Variants in FHIT observed in about 807,000 individuals in gnomAD.
FHIT encodes the protein bis(5'-adenosyl)-triphosphatase.
A neutral mutation model predicts 17.9 loss-of-function variants in FHIT; 19 were observed. The observed-to-expected ratio is 1.06, with a 90% CI of 0.74 to 1.56. The LOEUF is 1.56. Ranked by LOEUF, FHIT falls within the 40% of genes most tolerant of loss-of-function variation. The pLI is 0.00. For synonymous variants in FHIT, 81 were observed against 69.7 expected, an observed-to-expected ratio of 1.16 and a Z score of -0.81; for missense variants, 248 against 189.2, an observed-to-expected ratio of 1.31 and a Z score of -1.82.
chr3:60,097,961 A>G (rs1325765246), intron 5 of FHIT, among the ~76,000 whole-genome samples: 14 of 147,750 alleles, frequency 9.5e-5, no homozygotes, highest in African/African-American at 2.2e-4. Context: ...GAGAACATGC[A>G]GTGTTTGGTT....
At chr3:60,176,095 G>A (rs1048213966) in intron 5 of FHIT, among the ~76,000 whole-genome samples, 11 of 152,202 alleles carry the variant, frequency 7.2e-5, no homozygotes, top group Non-Finnish European at 1.5e-4. Flanking sequence ...GCTCACGCCT[G>A]TAATGTCAGC....
At position 60,965,436 on chromosome 3, in the gene FHIT, A is replaced by C. The variant is rs575434477; in HGVS notation, c.-111+76611T>G. Reference sequence around the variant, plus strand: ...GATCTTCTGAAGCCTTCTTCACTCAACTTGTCAAAGTCATTCTCCATCCAG... The same window carrying C: ...GATCTTCTGAAGCCTTCTTCACTCACCTTGTCAAAGTCATTCTCCATCCAG... On this transcript the variant is annotated intron_variant, in intron 3 of 9. Transcript: ENST00000492590. Among the ~76,000 whole-genome samples the C allele has an allele frequency of 4.6e-5, 7 of 152,300 alleles. No individual in the cohort carries two copies. In the South Asian group the frequency reaches 1.4e-3, roughly 32 times the overall value.
chr3:60,966,621 C>A (rs1358155609), intron 3 of FHIT, among the ~76,000 whole-genome samples: 1 of 152,170 alleles, frequency 6.6e-6, no homozygotes, highest in Admixed American at 6.5e-5. Context: ...TGAATGGTTT[C>A]CACCAGGACA....
At chr3:61,061,892 A>G (rs1456168901) in intron 2 of FHIT, among the ~76,000 whole-genome samples, 3 of 152,174 alleles carry the variant, frequency 2.0e-5, no homozygotes, top group African/African-American at 7.2e-5. Flanking sequence ...GAGGGAGCCT[A>G]TATTAATAAT....
chr3:60,619,217 G>C (rs1440816173), intron 4 of FHIT, among the ~76,000 whole-genome samples: 1 of 152,056 alleles, frequency 6.6e-6, no homozygotes, highest in Non-Finnish European at 1.5e-5. Context: ...TACTGTTCTA[G>C]AATCACTGTC....
chr3:60,186,593 G>C (rs1050865478), intron 5 of FHIT, among the ~76,000 whole-genome samples: 7 of 152,234 alleles, frequency 4.6e-5, no homozygotes, highest in Admixed American at 4.6e-4. Flanking sequence ...TCATAACGGA[G>C]GTGGGCTGCG....
chr3:60,929,298 G>T (rs1419005902), intron 3 of FHIT, among the ~76,000 whole-genome samples: 1 of 152,120 alleles, frequency 6.6e-6, no homozygotes, highest in Non-Finnish European at 1.5e-5. Context: ...TTGAAAACTG[G>T]CACAAGACAG....
At chr3:60,269,928 C>A (rs1576397436) in intron 5 of FHIT, among the ~76,000 whole-genome samples, 2 of 152,186 alleles carry the variant, frequency 1.3e-5, no homozygotes, top group Admixed American at 6.5e-5. Flanking sequence ...TAGTTATAAA[C>A]TCATGGGTTG....
chr3:60,353,062 C>T (rs1699487775), intron 5 of FHIT, among the ~76,000 whole-genome samples: 1 of 152,150 alleles, frequency 6.6e-6, no homozygotes, highest in South Asian at 2.1e-4. Flanking sequence ...TTTATTTCAA[C>T]AGTTTAACAA....
At chr3:60,535,508 G>A (rs1308085953) in intron 5 of FHIT, among the ~76,000 whole-genome samples, 2 of 151,376 alleles carry the variant, frequency 1.3e-5, no homozygotes, top group East Asian at 3.9e-4. Context: ...AAGAAATTCA[G>A]GTCTTTTAAA....
intron 4 of FHIT, among the ~76,000 whole-genome samples, chr3:60,607,362 G>C (rs2038640357): frequency 6.6e-6 from 1 of 151,594 alleles, no homozygotes; most frequent in Non-Finnish European, 1.5e-5. Flanking sequence ...TTTCGAAGAG[G>C]GCACTTTCAT....
At chr3:60,391,402 A>C (rs910555933) in intron 5 of FHIT, among the ~76,000 whole-genome samples, 2 of 152,202 alleles carry the variant, frequency 1.3e-5, no homozygotes, top group Non-Finnish European at 2.9e-5. Flanking sequence ...TTTTAAACAA[A>C]TTTAGCATAG....
intron 4 of FHIT, among the ~76,000 whole-genome samples, chr3:60,821,207 C>G (rs1472167616): frequency 6.6e-6 from 1 of 152,148 alleles, no homozygotes; most frequent in East Asian, 1.9e-4. Context: ...AACTCCTGAC[C>G]TCAAGTGATC....
intron 5 of FHIT, among the ~76,000 whole-genome samples, chr3:60,197,013 A>G (rs1702678077): frequency 6.6e-6 from 1 of 152,194 alleles, no homozygotes; most frequent in Non-Finnish European, 1.5e-5. Flanking sequence ...ATAGATAGAT[A>G]CATATATACG....
intron 5 of FHIT, among the ~76,000 whole-genome samples, chr3:60,173,915 A>ATATATATATATATT: frequency 3.0e-5 from 2 of 66,430 alleles, no homozygotes; most frequent in Non-Finnish European, 5.5e-5. Flanking sequence ...ATATATATAT[A>ATATATATATATATT]TGTTTTTTTT....
At chr3:61,202,508 TTAA>T (rs2039057926) in intron 1 of FHIT, among the ~76,000 whole-genome samples, 1 of 108,898 alleles carries the variant, frequency 9.2e-6, no homozygotes, top group Non-Finnish European at 2.1e-5. Flanking sequence ...TACTTTTTCG[TTAA>T]AAAAAAAAAA....
intron 2 of FHIT, among the ~76,000 whole-genome samples, chr3:61,174,210 A>G (rs991700006): frequency 6.6e-6 from 1 of 152,196 alleles, no homozygotes; most frequent in African/African-American, 2.4e-5. Context: ...AGTAACATAA[A>G]AACTGATTAG....
chr3:61,189,502 T>C (rs1157120314), intron 2 of FHIT, among the ~76,000 whole-genome samples: 1 of 152,154 alleles, frequency 6.6e-6, no homozygotes, highest in African/African-American at 2.4e-5. Flanking sequence ...AAAATGGCCA[T>C]ACTGCCCAAG....
intron 7 of FHIT, among the ~76,000 whole-genome samples, chr3:59,959,873 T>C (rs1314689888): frequency 1.3e-5 from 2 of 152,052 alleles, no homozygotes; most frequent in East Asian, 1.9e-4. Context: ...GATAGGCAAG[T>C]TGACATTAAT....
Sources: allele counts gnomAD v4.1 joint callset (sites outside exome capture counted in the v4.1 genomes callset), GRCh38; gene constraint gnomAD v4.1.1; transcripts MANE v1.5; gene names NCBI Gene and HGNC (gene_info 2026-07-23, HGNC 2026-07-21).